Variants in CEP41 observed in about 807,000 individuals in gnomAD.
The protein encoded by CEP41 is centrosomal protein of 41 kDa.
CEP41 carries 32 observed loss-of-function variants against 44.3 expected under a neutral mutation model. That is an observed-to-expected ratio of 0.72 (90% CI 0.54 to 0.97). CEP41 has a LOEUF of 0.97. CEP41 is among the 50% of genes least tolerant of loss of function. CEP41 has a pLI of 0.00. For synonymous variants in CEP41, 151 were observed against 168.5 expected (o/e 0.90, Z 0.80); for missense variants, 432 against 455.2 (o/e 0.95, Z 0.46).
At position 130,398,499 on chromosome 7, in the gene CEP41, C is replaced by T. The variant is rs528501184; in HGVS notation, c.*392G>A. On this transcript the variant is annotated 3_prime_UTR_variant, in exon 11 of 11. Coordinates refer to ENST00000223208, the MANE Select transcript of CEP41 (RefSeq NM_018718.3). ...ACAGTGAATGAAAAGGTGGCAGGGACAGGCACACGGGCAGATGTGACTGAA... is the reference window on the plus strand; with the variant it reads ...ACAGTGAATGAAAAGGTGGCAGGGATAGGCACACGGGCAGATGTGACTGAA... The T allele has an allele frequency of 1.2e-3, 548 of 456,390 alleles. 7 individuals carry two copies. The highest frequency in any genetic ancestry group is 6.3e-3 in the South Asian group (405 of 64,496). The allele number at this position is 456,390 out of a possible 1,614,324, so 28.3% of individuals were successfully genotyped here. A position where few individuals can be genotyped will look rare whatever the true frequency, so the allele number is the denominator to read the frequency against.
chr7:130,398,233 C>G lies in CEP41; in HGVS notation c.*658G>C, dbSNP rs1554415686. ...ATACCTTTCTGGCTCCAGGAAATAT[C>G]TAGTAAGGGGGAGCATTCAGTGAGT... On this transcript the variant is annotated 3_prime_UTR_variant, in exon 11 of 11. Transcript: ENST00000223208. The G allele has an allele frequency of 2.2e-6, 1 of 454,110 alleles. No individual in the cohort carries two copies. The highest frequency in any genetic ancestry group is 6.9e-5 in the East Asian group (1 of 14,398). The allele number at this position is 454,110 out of a possible 1,614,324, so 28.1% of individuals were successfully genotyped here. A position where few individuals can be genotyped will look rare whatever the true frequency, so the allele number is the denominator to read the frequency against.
chr7:130,440,829 C>T, intron 1 of CEP41, 105 bp downstream of exon 1: 2 of 1,274,084 alleles, frequency 1.6e-6, no homozygotes, highest in Admixed American at 1.7e-5. Flanking sequence ...CGGCCCCTTC[C>T]CGCCTTCCGG....
At chr7:130,420,175 C>T (rs1554421862) in intron 2 of CEP41, 1 of 497,734 alleles carries the variant, frequency 2.0e-6, no homozygotes, top group African/African-American at 2.1e-5. Flanking sequence ...CACACATACA[C>T]AAAAACTAGC....
In CEP41 at chr7:130,400,382, TTTC is replaced by T. The variant is rs1322914954; in HGVS notation, c.758-131_758-129del. Reference sequence around the variant, plus strand: ...GAGGCCAACACAAGGACATGAAATCTTTCTTAACTATTTCATCATTAAGCAAAT... The same window carrying T: ...GAGGCCAACACAAGGACATGAAATCTTTAACTATTTCATCATTAAGCAAAT... On this transcript the variant is annotated intron_variant, in intron 9 of 10. Transcript: ENST00000223208. 3.9e-4 allele frequency: 285 copies of T among 730,850 alleles called. 2 individuals carry two copies. The South Asian group carries it at 4.2e-3, about 11-fold the overall frequency. The allele number at this position is 730,850 out of a possible 1,614,324, so 45.3% of individuals were successfully genotyped here.
At chr7:130,430,060 A>C (rs185880976) in intron 1 of CEP41, among the ~76,000 whole-genome samples, 25 of 152,326 alleles carry the variant, frequency 1.6e-4, no homozygotes, top group African/African-American at 5.8e-4. Context: ...TTGCAGAATA[A>C]ACATTTACGT....
rs576889423 is a variant in CEP41 at position 130,398,166 on chromosome 7, C to T, written c.*725G>A. 4 of 453,304 alleles carry T rather than the reference C, an allele frequency of 8.8e-6. No homozygotes were observed. The highest frequency in any genetic ancestry group is 1.8e-5 in the Non-Finnish European group (4 of 226,370). 28.1% of individuals were successfully genotyped at this position (453,304 alleles called of 1,614,324 possible). On this transcript the variant is annotated 3_prime_UTR_variant, in exon 11 of 11. Coordinates refer to ENST00000223208, the MANE Select transcript of CEP41 (RefSeq NM_018718.3). ...GGCCGGTGTGGTGGCCAGGGCTTTC[C>T]CATGAGAGGCCCTCCTCCCCGGTGT...
At position 130,397,846 on chromosome 7, in the gene CEP41, C is replaced by A. The variant is rs1008134641; in HGVS notation, c.*1045G>T. 4.5e-6 allele frequency: 2 copies of A among 448,660 alleles called. No individual in the cohort carries two copies. The highest frequency in any genetic ancestry group is 4.0e-5 in the African/African-American group (2 of 49,972). The allele number at this position is 448,660 out of a possible 1,614,324, so 27.8% of individuals were successfully genotyped here. On this transcript the variant is annotated 3_prime_UTR_variant, in exon 11 of 11. Coordinates refer to ENST00000223208, the MANE Select transcript of CEP41 (RefSeq NM_018718.3). Reference sequence around the variant, plus strand: ...CCAAAACCAGAATCTATAATCACAACTTCCTAATCACAGTTCAGTCATGAG... The same window carrying A: ...CCAAAACCAGAATCTATAATCACAAATTCCTAATCACAGTTCAGTCATGAG...
In CEP41 at chr7:130,397,259, T is replaced by A. The variant is rs781907613; in HGVS notation, c.*1632A>T. On this transcript the variant is annotated 3_prime_UTR_variant, in exon 11 of 11. Transcript: ENST00000223208. ...AGCTATGTGTACGTTGGCTGAATTT[T>A]ATACAAGATTCTTGAATCTTGTGGA... 10 of 454,406 alleles carry A rather than the reference T, an allele frequency of 2.2e-5. No individual in the cohort carries two copies. Among genetic ancestry groups the A allele is most frequent in the Admixed American group, 2.1e-4 (9 of 42,552 alleles). The allele number at this position is 454,406 out of a possible 1,614,324, so 28.1% of individuals were successfully genotyped here.
chr7:130,397,681 C>T lies in CEP41; in HGVS notation c.*1210G>A, dbSNP rs1796708850. On this transcript the variant is annotated 3_prime_UTR_variant, in exon 11 of 11. Coordinates refer to ENST00000223208, the MANE Select transcript of CEP41 (RefSeq NM_018718.3). Reference sequence around the variant, plus strand: ...CAGTCCCTTATCACAGCTACGATCACAGACCATAAAAATTAACACCGCTCT... The same window carrying T: ...CAGTCCCTTATCACAGCTACGATCATAGACCATAAAAATTAACACCGCTCT... The T allele has an allele frequency of 2.2e-6, 1 of 454,338 alleles. No individual in the cohort carries two copies. The highest frequency in any genetic ancestry group is 2.0e-5 in the African/African-American group (1 of 50,052). 28.1% of individuals were successfully genotyped at this position (454,338 alleles called of 1,614,324 possible).
At chr7:130,405,734 G>C (rs1796988908) in intron 5 of CEP41, among the ~76,000 whole-genome samples, 1 of 152,296 alleles carries the variant, frequency 6.6e-6, no homozygotes, top group Middle Eastern at 3.4e-3. Flanking sequence ...GCAAGTGCCT[G>C]ATTTTAATCT....
intron 1 of CEP41, among the ~76,000 whole-genome samples, chr7:130,436,915 T>C (rs1479984845): frequency 6.6e-6 from 1 of 152,132 alleles, no homozygotes; most frequent in Non-Finnish European, 1.5e-5. Flanking sequence ...GGCAGGTGCC[T>C]GTAATCCCAG....
Position 130,400,124 on chromosome 7 carries a change from A to T in CEP41, c.888T>A (p.Ala296=), listed in dbSNP as rs1554416477. ...RSSPKGPPLP[A]ENKWRFTPED... is the part of the protein sequence containing the mutation. ...CTGGGGTAAATCTCCATTTATTCTC[A>T]GCTGGTAGGGGTGGCCCTTTGGGGC... The change falls in exon 10 of 11, where the codon GCT becomes GCA. Residue 296 remains alanine (A), a synonymous_variant. Transcript: ENST00000223208. 6.2e-7 allele frequency: 1 copy of T among 1,613,838 alleles called. No homozygotes were observed. Among genetic ancestry groups the T allele is most frequent in the South Asian group, 1.1e-5 (1 of 91,058 alleles).
At chr7:130,410,431 C>T (rs782156063) in intron 5 of CEP41, among the ~76,000 whole-genome samples, 3 of 152,058 alleles carry the variant, frequency 2.0e-5, no homozygotes, top group Admixed American at 6.6e-5. Context: ...CTTTTCAGTC[C>T]CTTAAGGGTA....
chr7:130,402,512 A>G, intron 7 of CEP41, 136 bp downstream of exon 7: 1 of 938,796 alleles, frequency 1.1e-6, no homozygotes, highest in Non-Finnish European at 1.7e-6. Flanking sequence ...CCAACCCTAT[A>G]GGATTCCATA....
chr7:130,406,987 A>T (rs1055324040), intron 5 of CEP41, among the ~76,000 whole-genome samples: 11 of 151,176 alleles, frequency 7.3e-5, no homozygotes, highest in African/African-American at 1.2e-4. Flanking sequence ...GTATATAAAA[A>T]ATATATATAT....
chr7:130,429,790 G>A (rs1032930637), intron 1 of CEP41, among the ~76,000 whole-genome samples: 2 of 152,144 alleles, frequency 1.3e-5, no homozygotes, highest in Non-Finnish European at 2.9e-5. Context: ...CTCACAGCCC[G>A]CTCCATTGTT....
chr7:130,435,460 A>T (rs1409248160), intron 1 of CEP41, among the ~76,000 whole-genome samples: 1 of 152,230 alleles, frequency 6.6e-6, no homozygotes, highest in Non-Finnish European at 1.5e-5. Flanking sequence ...ACTGAAGAGG[A>T]TATATGGATG....
At chr7:130,427,362 TG>T (rs1797694224) in intron 2 of CEP41, among the ~76,000 whole-genome samples, 1 of 152,026 alleles carries the variant, frequency 6.6e-6, no homozygotes, top group Non-Finnish European at 1.5e-5. Flanking sequence ...CACTGAAAAA[TG>T]GGAACAGCGT....
In CEP41 at chr7:130,396,281, G is replaced by A. The variant is rs1320208844; in HGVS notation, c.*2610C>T. The A allele has an allele frequency of 4.4e-6, 2 of 453,954 alleles. No individual in the cohort carries two copies. The highest frequency in any genetic ancestry group is 4.0e-5 in the African/African-American group (2 of 50,004). 28.1% of individuals were successfully genotyped at this position (453,954 alleles called of 1,614,324 possible). A position where few individuals can be genotyped will look rare whatever the true frequency, so the allele number is the denominator to read the frequency against. On this transcript the variant is annotated 3_prime_UTR_variant, in exon 11 of 11. Transcript: ENST00000223208. ...TCAACCCCTGAGACGCTGGTAGGAAGCCATGATCCAGTTGTTGAAGGTGGC... is the reference window on the plus strand; with the variant it reads ...TCAACCCCTGAGACGCTGGTAGGAAACCATGATCCAGTTGTTGAAGGTGGC...
Sources: allele counts gnomAD v4.1 joint callset (sites outside exome capture counted in the v4.1 genomes callset), GRCh38; gene constraint gnomAD v4.1.1; transcripts MANE v1.5; gene names NCBI Gene and HGNC (gene_info 2026-07-23, HGNC 2026-07-21).